CELSR1: variants seen among roughly 807,000 people sequenced by gnomAD.
The protein encoded by CELSR1 is cadherin EGF LAG seven-pass G-type receptor 1, also known as adhesion G protein-coupled receptor C1.
Under a neutral mutation model 249.1 loss-of-function variants are expected in CELSR1, and 110 were observed. The observed-to-expected ratio is 0.44, with a 90% CI of 0.38 to 0.52. The LOEUF is 0.52. CELSR1 is among the 20% of genes least tolerant of loss of function. The pLI is 0.00. For synonymous variants in CELSR1, 2,113 were observed against 1,900.0 expected, an observed-to-expected ratio of 1.11 and a Z score of -2.92; for missense variants, 4,109 against 4,296.4, an observed-to-expected ratio of 0.96 and a Z score of 1.22.
At chr22:46,376,532 G>A (rs1010847952) in intron 24 of CELSR1, among the ~76,000 whole-genome samples, 11 of 152,116 alleles carry the variant, frequency 7.2e-5, no homozygotes, top group South Asian at 6.2e-4. Flanking sequence ...CCGGCACCAC[G>A]CCCAGCTAAT....
chr22:46,390,326 A>G lies in CELSR1; in HGVS notation c.6345+66T>C. The G allele has an allele frequency of 7.6e-7, 1 of 1,312,558 alleles. No homozygotes were observed. The highest frequency in any genetic ancestry group is 1.1e-6 in the Non-Finnish European group (1 of 940,368). The allele number at this position is 1,312,558 out of a possible 1,614,324, so 81.3% of individuals were successfully genotyped here. ...AGCCCAGGAGCCTCGGCCCACACAA[A>G]CTCTCTCACGCATACACGAACACAC... On this transcript the variant is annotated intron_variant, in intron 17 of 34. Coordinates refer to ENST00000674500, the MANE Select transcript of CELSR1 (RefSeq NM_001378328.1). The surrounding 1 kb of genome is among the most constrained non-coding windows in gnomAD (Gnocchi z 6.3).
intron 5 of CELSR1, among the ~76,000 whole-genome samples, chr22:46,418,377 T>C (rs535180730): frequency 1.3e-5 from 2 of 151,996 alleles, no homozygotes; most frequent in African/African-American, 2.4e-5. Flanking sequence ...TCCCAGCTAC[T>C]TGGGTGGCTG....
chr22:46,504,521 CAAAAAAAAA>C (rs2080496493), intron 1 of CELSR1, among the ~76,000 whole-genome samples: 1 of 72,686 alleles, frequency 1.4e-5, no homozygotes, highest in Non-Finnish European at 3.2e-5. Flanking sequence ...AAAAAAAAAA[CAAAAAAAAA>C]CAGGAATGGC....
Position 46,445,525 on chromosome 22 carries a change from C to T in CELSR1, c.4184-6114G>A, listed in dbSNP as rs2079808912. ...ATGAATAAAAAATAAAGACACCAGTCATTGGATTTAGGGTCCACCCTAAAT... is the reference window on the plus strand; with the variant it reads ...ATGAATAAAAAATAAAGACACCAGTTATTGGATTTAGGGTCCACCCTAAAT... On this transcript the variant is annotated intron_variant, in intron 2 of 34. Coordinates refer to ENST00000674500, the MANE Select transcript of CELSR1 (RefSeq NM_001378328.1). This position sits in a 1 kb window ranked among gnomAD's most constrained non-coding sequence, Gnocchi z 4.4. Among the ~76,000 whole-genome samples, 3 of 152,050 alleles carry T rather than the reference C, an allele frequency of 2.0e-5. No homozygotes were observed. The highest frequency in any genetic ancestry group is 4.4e-5 in the Non-Finnish European group (3 of 68,004).
At chr22:46,375,061 C>G (rs997972491) in intron 24 of CELSR1, among the ~76,000 whole-genome samples, 1 of 152,140 alleles carries the variant, frequency 6.6e-6, no homozygotes, top group Non-Finnish European at 1.5e-5. Context: ...GGTGGGGGTG[C>G]CTGCCTTCCC....
At position 46,380,982 on chromosome 22, in the gene CELSR1, G is replaced by A; in HGVS notation, c.7089-27C>T. On this transcript the variant is annotated intron_variant, in intron 21 of 34. Coordinates refer to ENST00000674500, the MANE Select transcript of CELSR1 (RefSeq NM_001378328.1). This position sits in a 1 kb window ranked among gnomAD's most constrained non-coding sequence, Gnocchi z 5.1. ...TGAGGTCAAGAAGCCAGAGCATGGG[G>A]ACAAACACGGTGAGGAAACATCTGC... 1 of 1,604,816 alleles carries A rather than the reference G, an allele frequency of 6.2e-7. No individual in the cohort carries two copies. The highest frequency in any genetic ancestry group is 8.5e-7 in the Non-Finnish European group (1 of 1,173,612).
Position 46,369,822 on chromosome 22 carries a change from G to A in CELSR1, c.7760-18C>T. 6.2e-7 allele frequency: 1 copy of A among 1,609,554 alleles called. No homozygotes were observed. The highest frequency in any genetic ancestry group is 1.1e-5 in the South Asian group (1 of 90,970). Reference sequence around the variant, plus strand: ...CGCCAGTCCTGAACACAGCGGGGAGGAAGGGAAGGGTGAGGGCCACGTGCC... The same window carrying A: ...CGCCAGTCCTGAACACAGCGGGGAGAAAGGGAAGGGTGAGGGCCACGTGCC... On this transcript the variant is annotated intron_variant, in intron 25 of 34. Transcript: ENST00000674500.
In CELSR1 at chr22:46,395,481, G is replaced by A. The variant is rs900393414; in HGVS notation, c.5843+1124C>T. Among the ~76,000 whole-genome samples, 11 of 135,914 alleles carry A rather than the reference G, an allele frequency of 8.1e-5. No homozygotes were observed. The highest frequency in any genetic ancestry group is 1.5e-4 in the Non-Finnish European group (9 of 61,208). 89.2% of individuals were successfully genotyped at this position (135,914 alleles called of 152,430 possible). ...GCTTTCGCTCCCAGAATGCCCTCCC[G>A]CTTCAGCCACACTGGCTCCCACCTC... On this transcript the variant is annotated intron_variant, in intron 13 of 34. Coordinates refer to ENST00000674500, the MANE Select transcript of CELSR1 (RefSeq NM_001378328.1). The surrounding 1 kb of genome is among the most constrained non-coding windows in gnomAD (Gnocchi z 5.5).
chr22:46,364,622 A>G lies in CELSR1; in HGVS notation c.8669T>C (p.Val2890Ala). 4 of 1,612,702 alleles carry G rather than the reference A, an allele frequency of 2.5e-6. No individual in the cohort carries two copies. The highest frequency in any genetic ancestry group is 3.4e-6 in the Non-Finnish European group (4 of 1,179,908). The part of the protein sequence containing the change: ...PRLKVETKVS[V>A]ELHREEQGSH... ...GCCCTGCTCCTCGCGGTGCAGCTCC[A>G]CGCTGACCTTGGTCTCCACCTTCAG... is the stretch of plus-strand genomic sequence containing the variant. The change falls in exon 33 of 35, where the codon GTG becomes GCG. Residue 2890 changes from valine to alanine, a missense_variant. Coordinates refer to ENST00000674500, the MANE Select transcript of CELSR1 (RefSeq NM_001378328.1).
chr22:46,501,070 G>A (rs1257970757), intron 1 of CELSR1, among the ~76,000 whole-genome samples: 1 of 151,512 alleles, frequency 6.6e-6, no homozygotes, highest in Non-Finnish European at 1.5e-5. Context: ...GTCTTGCTCT[G>A]TCACCCAGGC....
rs1173620895 is a variant in CELSR1 at position 46,398,179 on chromosome 22, A to AG, written c.5527-332dup. Among the ~76,000 whole-genome samples the AG allele has an allele frequency of 1.3e-5, 2 of 151,962 alleles. No individual in the cohort carries two copies. Among genetic ancestry groups the AG allele is most frequent in the East Asian group, 3.9e-4 (2 of 5,120 alleles). ...GGCCGTAGCTGGAACCCCTGGCTCC[A>AG]GGGGACAGGCACGGGGCCCACTTGG... On this transcript the variant is annotated intron_variant, in intron 11 of 34. Coordinates refer to ENST00000674500, the MANE Select transcript of CELSR1 (RefSeq NM_001378328.1). The surrounding 1 kb of genome is among the most constrained non-coding windows in gnomAD (Gnocchi z 7.2).
At chr22:46,373,197 G>A in intron 24 of CELSR1, 140 bp from the exon 25 acceptor site, 2 of 926,398 alleles carry the variant, frequency 2.2e-6, no homozygotes, top group Non-Finnish European at 3.1e-6. Context: ...AGGGCTACAT[G>A]TCTGGCCAAT....
intron 2 of CELSR1, among the ~76,000 whole-genome samples, chr22:46,449,692 A>G (rs2079860358): frequency 6.6e-6 from 1 of 152,148 alleles, no homozygotes; most frequent in Admixed American, 6.5e-5. Flanking sequence ...CCAAAAATAC[A>G]TGAAGAGTTA....
At chr22:46,486,723 A>G (rs1038762924) in intron 1 of CELSR1, among the ~76,000 whole-genome samples, 1 of 151,920 alleles carries the variant, frequency 6.6e-6, no homozygotes, top group Admixed American at 6.6e-5. Flanking sequence ...CACACCTGCA[A>G]TTCCAGCTAC....
chr22:46,399,843 C>T lies in CELSR1; in HGVS notation c.5286G>A (p.Val1762=). 6.2e-7 allele frequency: 1 copy of T among 1,614,170 alleles called. No homozygotes were observed. Among genetic ancestry groups the T allele is most frequent in the South Asian group, 1.1e-5 (1 of 91,088 alleles). ...VSHGPSDVES[V]MLSGLRVTDG... ...CGGTCACCCGCAACCCGGACAGCATCACGGACTCCACATCGGAGGGGCCGT... is the reference window on the plus strand; with the variant it reads ...CGGTCACCCGCAACCCGGACAGCATTACGGACTCCACATCGGAGGGGCCGT... Residue 1762 remains valine (V), a synonymous_variant, in exon 10 of 35, where the codon GTG becomes GTA. Coordinates refer to ENST00000674500, the MANE Select transcript of CELSR1 (RefSeq NM_001378328.1). This position sits in a 1 kb window ranked among gnomAD's most constrained non-coding sequence, Gnocchi z 5.0.
chr22:46,529,004 G>A (rs575074971), intron 1 of CELSR1, among the ~76,000 whole-genome samples: 14 of 151,510 alleles, frequency 9.2e-5, no homozygotes, highest in Admixed American at 2.0e-4. Context: ...AGTGGCTCAC[G>A]CCTATAATCC....
At position 46,433,335 on chromosome 22, in the gene CELSR1, C is replaced by A; in HGVS notation, c.4611+58G>T. On this transcript the variant is annotated intron_variant, in intron 5 of 34. Coordinates refer to ENST00000674500, the MANE Select transcript of CELSR1 (RefSeq NM_001378328.1). This position sits in a 1 kb window ranked among gnomAD's most constrained non-coding sequence, Gnocchi z 5.7. The stretch of plus-strand genomic sequence containing the variant: ...CAGGCGTGAGCCACTGCGCCTCGCC[C>A]CAGGGCACCTTCTCGAGCCGCCCTG... The A allele has an allele frequency of 7.1e-7, 1 of 1,404,074 alleles. No individual in the cohort carries two copies. The highest frequency in any genetic ancestry group is 2.4e-5 in the East Asian group (1 of 42,132). 87.0% of individuals were successfully genotyped at this position (1,404,074 alleles called of 1,614,324 possible). A position where few individuals can be genotyped will look rare whatever the true frequency, so the allele number is the denominator to read the frequency against.
chr22:46,477,448 G>C (rs3788708), intron 1 of CELSR1, among the ~76,000 whole-genome samples: 1 of 151,730 alleles, frequency 6.6e-6, no homozygotes, highest in South Asian at 2.1e-4. Context: ...GGAGTGCCGG[G>C]AACTCCTGTG....
In CELSR1 at chr22:46,534,636, G is replaced by A. The variant is rs2147824788; in HGVS notation, c.2535C>T (p.Tyr845=). The A allele has an allele frequency of 6.2e-7, 1 of 1,613,948 alleles. No homozygotes were observed. The highest frequency in any genetic ancestry group is 8.5e-7 in the Non-Finnish European group (1 of 1,180,032). ...TCTCATAGTCCAGCTCCATCATGGT[G>A]TACATGGTGCCACTGTCGGGGTCAA... The part of the protein sequence containing the change: ...FRIDPDSGTM[Y]TMMELDYENQ... The change falls in exon 1 of 35, where the codon TAC becomes TAT. Residue 845 remains tyrosine (Y), a synonymous_variant. Transcript: ENST00000674500. This position sits in a 1 kb window ranked among gnomAD's most constrained non-coding sequence, Gnocchi z 9.7.
Sources: gnomAD v4.1 joint callset for allele counts (sites outside exome capture counted in the v4.1 genomes callset) on GRCh38, gnomAD v4.1.1 for gene constraint, Gnocchi (gnomAD v3.1) non-coding constraint, MANE v1.5 for transcripts, NCBI Gene and HGNC (gene_info 2026-07-23, HGNC 2026-07-21) for gene names.